LIPE: variants seen among roughly 807,000 people sequenced by gnomAD.
LIPE encodes the protein hormone-sensitive lipase.
A neutral mutation model predicts 88.5 loss-of-function variants in LIPE; 66 were observed. That is an observed-to-expected ratio of 0.75 (90% CI 0.61 to 0.91). The LOEUF (loss-of-function observed/expected upper bound fraction) is 0.91. LIPE is among the 40% of genes least tolerant of loss of function. LIPE has a pLI of 0.00. For missense variants in LIPE, 1,346 were observed against 1,434.7 expected, an observed-to-expected ratio of 0.94 and a Z score of 1.00; for synonymous variants, 570 against 617.5, an observed-to-expected ratio of 0.92 and a Z score of 1.14.
intron 1 of LIPE, among the ~76,000 whole-genome samples, chr19:42,418,877 CCT>C (rs994847740): frequency 9.2e-5 from 14 of 152,142 alleles, no homozygotes; most frequent in African/African-American, 3.1e-4. Flanking sequence ...TTGTAAACTC[CCT>C]GAGGGCAGGG....
rs2039992734 is a variant in LIPE, at chr19:42,402,070, G to A, written c.2973C>T (p.Cys991=). 6.7e-7 allele frequency: 1 copy of A among 1,485,436 alleles called. No individual in the cohort carries two copies. Among genetic ancestry groups the A allele is most frequent in the Non-Finnish European group, 9.0e-7 (1 of 1,114,870 alleles). The allele number at this position is 1,485,436 out of a possible 1,614,324, so 92.0% of individuals were successfully genotyped here. Reference sequence around the variant, plus strand: ...AGTCGTCCAGCATGGGGTCCAGCGCGCACGCCTACGGGACAGCGGGGAGGG... The same window carrying A: ...AGTCGTCCAGCATGGGGTCCAGCGCACACGCCTACGGGACAGCGGGGAGGG... The part of the protein sequence containing the change: ...KSLPPVHIVA[C]ALDPMLDDSV... The change falls in exon 10 of 10, where the codon TGC becomes TGT. Residue 991 remains cysteine (C), a synonymous_variant. Transcript: ENST00000244289.
chr19:42,408,114 G>A lies in LIPE; in HGVS notation c.1518C>T (p.Ala506=), dbSNP rs1041752092. 19 of 1,613,820 alleles carry A rather than the reference G, an allele frequency of 1.2e-5. No homozygotes were observed. Among genetic ancestry groups the A allele is most frequent in the Admixed American group, 1.7e-5 (1 of 59,996 alleles). Residue 506 remains alanine, a synonymous_variant, in exon 4 of 10, where the codon GCC becomes GCT. Coordinates refer to ENST00000244289, the MANE Select transcript of LIPE (RefSeq NM_005357.4). This position sits in a 1 kb window ranked among gnomAD's most constrained non-coding sequence, Gnocchi z 4.3. ...GGCCGCTGGTGAAGAGAGAGCTGGC[G>A]GCCACACCTAGGGGTCAGAAGGGGT... ...YKRNETGLSV[A]ASSLFTSGRF...
At chr19:42,419,702 G>A (rs568762345) in intron 1 of LIPE, among the ~76,000 whole-genome samples, 4 of 151,924 alleles carry the variant, frequency 2.6e-5, no homozygotes, top group Non-Finnish European at 5.9e-5. Flanking sequence ...GAAGTGGGGT[G>A]GGGGTGGATG....
chr19:42,411,515 G>C (rs2040374603), intron 1 of LIPE: 2 of 159,986 alleles, frequency 1.3e-5, no homozygotes, highest in Non-Finnish European at 2.7e-5. Flanking sequence ...GGAGAGTTCA[G>C]CCCCAGCCCT....
At chr19:42,421,350 C>T (rs1283868277) in intron 1 of LIPE, among the ~76,000 whole-genome samples, 2 of 152,210 alleles carry the variant, frequency 1.3e-5, no homozygotes, top group Non-Finnish European at 2.9e-5. Flanking sequence ...GCCCCCTGCA[C>T]AGCACTTAAC....
At chr19:42,405,818 G>A in intron 7 of LIPE, 1 of 552,198 alleles carries the variant, frequency 1.8e-6, no homozygotes, top group African/African-American at 1.9e-5. Context: ...GCTGGGCGTG[G>A]TAGTGGTGGT....
chr19:42,405,241 G>A (rs2040131387), intron 8 of LIPE, 144 bp downstream of exon 8: 6 of 753,686 alleles, frequency 8.0e-6, no homozygotes, highest in Non-Finnish European at 1.3e-5. Context: ...CTGACCTCAA[G>A]TGATCTGCCC....
chr19:42,412,560 GC>G (rs2040405385), intron 1 of LIPE: 3 of 986,508 alleles, frequency 3.0e-6, no homozygotes, highest in South Asian at 9.3e-5. Context: ...TCCCTGCTCT[GC>G]CCCCCACCTG....
In LIPE at chr19:42,408,592, G is replaced by A; in HGVS notation, c.1420-270C>T. 4.2e-6 allele frequency: 2 copies of A among 473,642 alleles called. No individual in the cohort carries two copies. The highest frequency in any genetic ancestry group is 4.0e-5 in the East Asian group (1 of 24,794). The allele number at this position is 473,642 out of a possible 1,614,324, so 29.3% of individuals were successfully genotyped here. On this transcript the variant is annotated intron_variant, in intron 2 of 9. Transcript: ENST00000244289. This position sits in a 1 kb window ranked among gnomAD's most constrained non-coding sequence, Gnocchi z 4.3. ...AAAAAAAAAAGGCAGTAGGTGGAGA[G>A]GGCACCAGTGATGACTAGGGGTCAG...
chr19:42,408,074 G>C lies in LIPE; in HGVS notation c.1558C>G (p.Pro520Ala). Residue 520 changes from proline to alanine, a missense_variant, in exon 4 of 10, where the codon CCC (proline) becomes GCC (alanine). Physicochemically the swap from Pro to Ala is conservative, Grantham distance 27 (BLOSUM62 -1). Transcript: ENST00000244289. The surrounding 1 kb of genome is among the most constrained non-coding windows in gnomAD (Gnocchi z 4.3). ...TCAAACTCAGCCCCACGCAGCTCGG[G>C]GTCGATGGCAAAGCGGCCGCTGGTG... is the stretch of plus-strand genomic sequence containing the variant. ...LFTSGRFAID[P>A]ELRGAEFERI... 6.2e-7 allele frequency: 1 copy of C among 1,613,918 alleles called. No individual in the cohort carries two copies. The highest frequency in any genetic ancestry group is 1.7e-5 in the Admixed American group (1 of 60,012).
chr19:42,408,220 G>T lies in LIPE; in HGVS notation c.1510+12C>A. The T allele has an allele frequency of 1.2e-6, 2 of 1,613,854 alleles. No homozygotes were observed. Among genetic ancestry groups the T allele is most frequent in the Non-Finnish European group, 1.7e-6 (2 of 1,179,776 alleles). On this transcript the variant is annotated intron_variant, in intron 3 of 9. Transcript: ENST00000244289. The surrounding 1 kb of genome is among the most constrained non-coding windows in gnomAD (Gnocchi z 4.3). ...GAGAGTAGGCTGCGAGTAGAACCTGGCTGGGACTCACTGAGGCCTGTCTCG... is the reference window on the plus strand; with the variant it reads ...GAGAGTAGGCTGCGAGTAGAACCTGTCTGGGACTCACTGAGGCCTGTCTCG...
intron 8 of LIPE, among the ~76,000 whole-genome samples, chr19:42,404,258 G>A (rs2040097180): frequency 6.8e-6 from 1 of 147,026 alleles, no homozygotes; most frequent in African/African-American, 2.5e-5. Context: ...TTTTGAGACA[G>A]TCTCACTCTG....
Position 42,401,890 on chromosome 19 carries a change from G to A in LIPE, c.3153C>T (p.Leu1051=), listed in dbSNP as rs890350555. The A allele has an allele frequency of 6.5e-7, 1 of 1,541,788 alleles. No individual in the cohort carries two copies. Among genetic ancestry groups the A allele is most frequent in the Admixed American group, 2.0e-5 (1 of 51,142 alleles). ...TCGGCCCGGCTCCGGCGGGAGGAGT[G>A]AGGACGAGGCGGATGCGCTCCACGC... ...ELCVERIRLV[L]TPPAGAGPSG... Residue 1051 remains leucine, a synonymous_variant, in exon 10 of 10, where the codon CTC becomes CTT. Coordinates refer to ENST00000244289, the MANE Select transcript of LIPE (RefSeq NM_005357.4).
In LIPE at chr19:42,408,166, G is replaced by A; in HGVS notation, c.1511-45C>T. The A allele has an allele frequency of 6.2e-7, 1 of 1,613,938 alleles. No homozygotes were observed. The highest frequency in any genetic ancestry group is 8.5e-7 in the Non-Finnish European group (1 of 1,179,922). On this transcript the variant is annotated intron_variant, in intron 3 of 9. Transcript: ENST00000244289. This position sits in a 1 kb window ranked among gnomAD's most constrained non-coding sequence, Gnocchi z 4.3. Reference sequence around the variant, plus strand: ...TCAGGGAGCCCCAGTGGGTCAGGCTGCTTGGGCAGGAGTGGGGAGGAGGGC... The same window carrying A: ...TCAGGGAGCCCCAGTGGGTCAGGCTACTTGGGCAGGAGTGGGGAGGAGGGC...
chr19:42,407,577 C>T lies in LIPE; in HGVS notation c.1842+29G>A. ...GCTGCCCACGCTCCTCGGCTCTGTC[C>T]CTGTCCCTGGCTGAGGCTGGAACCC... is the stretch of plus-strand genomic sequence containing the variant. On this transcript the variant is annotated intron_variant, in intron 5 of 9. Coordinates refer to ENST00000244289, the MANE Select transcript of LIPE (RefSeq NM_005357.4). The surrounding 1 kb of genome is among the most constrained non-coding windows in gnomAD (Gnocchi z 5.8). The T allele has an allele frequency of 1.3e-6, 2 of 1,590,640 alleles. No homozygotes were observed. The highest frequency in any genetic ancestry group is 1.1e-5 in the South Asian group (1 of 87,242).
At chr19:42,415,293 C>T (rs1240415367) in intron 1 of LIPE, among the ~76,000 whole-genome samples, 4 of 152,190 alleles carry the variant, frequency 2.6e-5, no homozygotes, top group African/African-American at 9.6e-5. Context: ...CAATTAACAA[C>T]CCTACAATGA....
rs368566588 is a variant in LIPE at position 42,406,403 on chromosome 19, G to T, written c.2138-15C>A. 6.2e-7 allele frequency: 1 copy of T among 1,605,202 alleles called. No individual in the cohort carries two copies. Among genetic ancestry groups the T allele is most frequent in the African/African-American group, 1.3e-5 (1 of 74,784 alleles). On this transcript the variant is annotated splice_polypyrimidine_tract_variant and intron_variant, in intron 6 of 9. Coordinates refer to ENST00000244289, the MANE Select transcript of LIPE (RefSeq NM_005357.4). The surrounding 1 kb of genome is among the most constrained non-coding windows in gnomAD (Gnocchi z 5.7). ...CCCTGTTGAGCCTGGTTTGGGAGAG[G>T]GGTGGTTGGTGACAACCTGGCAGGG...
chr19:42,402,670 G>A lies in LIPE; in HGVS notation c.2904C>T (p.Pro968=). The change falls in exon 9 of 10, where the codon CCC becomes CCT. Residue 968 remains proline (P), a synonymous_variant. Transcript: ENST00000244289. ...CGGGTGCCAGCAGCGGCGACATGAA[G>A]GGGTTCTTGACTATGGGTGAGGAGT... ...PLYSSPIVKN[P]FMSPLLAPDS... 1 of 1,502,008 alleles carries A rather than the reference G, an allele frequency of 6.7e-7. No homozygotes were observed. Among genetic ancestry groups the A allele is most frequent in the Non-Finnish European group, 8.9e-7 (1 of 1,123,544 alleles). The allele number at this position is 1,502,008 out of a possible 1,614,324, so 93.0% of individuals were successfully genotyped here. A position where few individuals can be genotyped will look rare whatever the true frequency, so the allele number is the denominator to read the frequency against.
In LIPE at chr19:42,401,923, T is replaced by C. The variant is rs201698347; in HGVS notation, c.3120A>G (p.Ala1040=). The C allele has an allele frequency of 5.8e-4, 901 of 1,553,990 alleles. 16 individuals are homozygous for C. The East Asian group carries it at 0.021, about 37-fold the overall frequency. The change falls in exon 10 of 10, where the codon GCA becomes GCG. Residue 1040 remains alanine, a synonymous_variant. Coordinates refer to ENST00000244289, the MANE Select transcript of LIPE (RefSeq NM_005357.4). ...AALCRETRQA[A]ELCVERIRLV... is the part of the protein sequence containing the mutation. The stretch of plus-strand genomic sequence containing the variant: ...GGCGGATGCGCTCCACGCACAGCTC[T>C]GCGGCCTGGCGCGTCTCGCGGCACA...
Sources: allele counts gnomAD v4.1 joint callset (sites outside exome capture counted in the v4.1 genomes callset), GRCh38; gene constraint gnomAD v4.1.1; non-coding constraint Gnocchi (gnomAD v3.1); transcripts MANE v1.5; gene names NCBI Gene and HGNC (gene_info 2026-07-23, HGNC 2026-07-21).